Variants in UNC13B observed in about 807,000 individuals in gnomAD.
UNC13B encodes the protein unc-13 homolog B.
Under a neutral mutation model 211.0 loss-of-function variants are expected in UNC13B, and 144 were observed. The observed-to-expected ratio is 0.68, with a 90% CI of 0.60 to 0.78. The LOEUF is 0.78. UNC13B is among the 30% of genes least tolerant of loss of function. The probability of loss-of-function intolerance (pLI) is 0.00; values close to 1 mark genes in which losing one functional copy is unlikely to be tolerated. For synonymous variants in UNC13B, 709 were observed against 725.8 expected, an observed-to-expected ratio of 0.98 and a Z score of 0.37; for missense variants, 1,777 against 2,002.0, an observed-to-expected ratio of 0.89 and a Z score of 2.14.
At chr9:35,398,724 A>T in intron 32 of UNC13B, 82 bp downstream of exon 32, 1 of 1,563,384 alleles carries the variant, frequency 6.4e-7, no homozygotes, top group East Asian at 2.2e-5. Context: ...ACACCTCTCC[A>T]TATAGCTGCA....
chr9:35,238,838 G>A (rs907620702), intron 5 of UNC13B, among the ~76,000 whole-genome samples: 8 of 151,748 alleles, frequency 5.3e-5, no homozygotes, highest in Non-Finnish European at 8.8e-5. Context: ...AATTACAAGC[G>A]TGAGCCACCA....
chr9:35,206,111 G>T (rs888801959), intron 1 of UNC13B, among the ~76,000 whole-genome samples: 1 of 152,158 alleles, frequency 6.6e-6, no homozygotes, highest in African/African-American at 2.4e-5. Context: ...CTAAGCCTGG[G>T]AGGCAGAGGT....
In UNC13B at chr9:35,364,314, G is replaced by GCACA. The variant is rs1185844357; in HGVS notation, c.9415-2633_9415-2632insCACA. ...TAGATTTTGTCCCTTGATTTAGTTTGGAACATCTCCAGGGATGTTCCAAAC... is the reference window on the plus strand; with the variant it reads ...TAGATTTTGTCCCTTGATTTAGTTTGCACAGAACATCTCCAGGGATGTTCCAAAC... On this transcript the variant is annotated intron_variant, in intron 11 of 39. Transcript: ENST00000635942. Among the ~76,000 whole-genome samples the GCACA allele has an allele frequency of 3.8e-5, 5 of 130,554 alleles. 1 individual carries two copies. Among genetic ancestry groups the GCACA allele is most frequent in the African/African-American group, 2.3e-4 (5 of 21,456 alleles). The allele number at this position is 130,554 out of a possible 152,430, so 85.6% of individuals were successfully genotyped here. A position where few individuals can be genotyped will look rare whatever the true frequency, so the allele number is the denominator to read the frequency against.
chr9:35,259,145 T>C lies in UNC13B; in HGVS notation c.526+95T>C, dbSNP rs1302645468. The C allele has an allele frequency of 2.3e-6, 3 of 1,281,314 alleles. No homozygotes were observed. In the East Asian group the frequency reaches 6.9e-5, roughly 30 times the overall value. The allele number at this position is 1,281,314 out of a possible 1,614,324, so 79.4% of individuals were successfully genotyped here. A position where few individuals can be genotyped will look rare whatever the true frequency, so the allele number is the denominator to read the frequency against. ...TTCTGAGCTGGGGAGGGTGGAGATG[T>C]CATGTGTGTAAGCAGAAGATATTCC... is the stretch of plus-strand genomic sequence containing the variant. On this transcript the variant is annotated intron_variant, in intron 7 of 39. Coordinates refer to ENST00000635942, the MANE Select transcript of UNC13B (RefSeq NM_001371189.2).
At chr9:35,382,148 T>C (rs1834888737) in intron 20 of UNC13B, among the ~76,000 whole-genome samples, 1 of 152,150 alleles carries the variant, frequency 6.6e-6, no homozygotes, top group Non-Finnish European at 1.5e-5. Flanking sequence ...ACTCCTTGAA[T>C]GGGAATTCCA....
chr9:35,297,981 C>T (rs920650354), intron 8 of UNC13B, among the ~76,000 whole-genome samples: 2 of 152,214 alleles, frequency 1.3e-5, no homozygotes, highest in Admixed American at 1.3e-4. Context: ...ATACCTGAGA[C>T]TGTATCAATA....
chr9:35,186,169 A>G (rs953185361), intron 1 of UNC13B, among the ~76,000 whole-genome samples: 1 of 151,980 alleles, frequency 6.6e-6, no homozygotes, highest in South Asian at 2.1e-4. Context: ...TCTTCATAGC[A>G]CCCTACTAGG....
intron 37 of UNC13B, among the ~76,000 whole-genome samples, chr9:35,402,668 T>A (rs943330038): frequency 6.6e-6 from 1 of 151,928 alleles, no homozygotes; most frequent in Admixed American, 6.6e-5. Flanking sequence ...GGGAGTTCAT[T>A]CTATAGAGGG....
intron 1 of UNC13B, among the ~76,000 whole-genome samples, chr9:35,188,036 T>C (rs1209125235): frequency 1.3e-5 from 2 of 152,230 alleles, no homozygotes; most frequent in Admixed American, 6.5e-5. Context: ...ATAAGTTTCA[T>C]TGACTCTGAA....
intron 37 of UNC13B, among the ~76,000 whole-genome samples, chr9:35,400,798 G>A (rs540105298): frequency 6.6e-6 from 1 of 152,338 alleles, no homozygotes; most frequent in Admixed American, 6.5e-5. Flanking sequence ...AAATGTGAAG[G>A]CTCATAGTGT....
At chr9:35,318,232 A>G (rs918828191) in intron 11 of UNC13B, among the ~76,000 whole-genome samples, 1 of 152,210 alleles carries the variant, frequency 6.6e-6, no homozygotes, top group Non-Finnish European at 1.5e-5. Context: ...AATGTCCAAG[A>G]GGAGAACAAG....
At chr9:35,195,767 G>A (rs1054980106) in intron 1 of UNC13B, among the ~76,000 whole-genome samples, 1 of 152,186 alleles carries the variant, frequency 6.6e-6, no homozygotes, top group African/African-American at 2.4e-5. Flanking sequence ...AGATCTGTCT[G>A]CACAGACAGA....
intron 3 of UNC13B, among the ~76,000 whole-genome samples, chr9:35,234,142 G>A (rs1930360): frequency 0.14 from 22,026 of 152,122 alleles, 1,862 homozygotes; most frequent in Admixed American, 0.25. Context: ...GTGGGACAGG[G>A]TCTCACTCTG....
intron 18 of UNC13B, 119 bp from the exon 19 acceptor site, chr9:35,380,981 G>C: frequency 1.1e-6 from 1 of 920,780 alleles, no homozygotes; most frequent in Non-Finnish European, 1.6e-6. Context: ...GTGAGTCCTT[G>C]GGTTGGCCCC....
intron 1 of UNC13B, among the ~76,000 whole-genome samples, chr9:35,186,806 ATC>A (rs1822385638): frequency 6.6e-6 from 1 of 152,094 alleles, no homozygotes; most frequent in African/African-American, 2.4e-5. Context: ...GTCTGGTGCC[ATC>A]TTGTCTGCTC....
In UNC13B at chr9:35,162,061, C is replaced by T. The variant is rs1273612299; in HGVS notation, c.-223C>T. 1.7e-5 allele frequency: 10 copies of T among 605,246 alleles called. No individual in the cohort carries two copies. The Admixed American group carries it at 2.7e-4, about 16-fold the overall frequency. 37.5% of individuals were successfully genotyped at this position (605,246 alleles called of 1,614,324 possible). A position where few individuals can be genotyped will look rare whatever the true frequency, so the allele number is the denominator to read the frequency against. ...ATGGCGTCGCTGTGCCGCGCCCAGT[C>T]CCCAGCCTGCCGGCCGGTACTCACC... On this transcript the variant is annotated 5_prime_UTR_variant, in exon 1 of 40. Coordinates refer to ENST00000635942, the MANE Select transcript of UNC13B (RefSeq NM_001371189.2).
chr9:35,245,173 G>A (rs772261049), intron 6 of UNC13B, among the ~76,000 whole-genome samples: 3 of 151,964 alleles, frequency 2.0e-5, no homozygotes, highest in Non-Finnish European at 4.4e-5. Flanking sequence ...TGTACTTTTC[G>A]TTTTATAGGC....
At chr9:35,368,263 T>C (rs1409237421) in intron 12 of UNC13B, among the ~76,000 whole-genome samples, 1 of 152,202 alleles carries the variant, frequency 6.6e-6, no homozygotes, top group African/African-American at 2.4e-5. Flanking sequence ...TTTGTGTCCA[T>C]GTGTTCTCAT....
chr9:35,355,995 G>A (rs1832998140), intron 11 of UNC13B, among the ~76,000 whole-genome samples: 1 of 152,182 alleles, frequency 6.6e-6, no homozygotes, highest in Non-Finnish European at 1.5e-5. Context: ...GAAACTTGTG[G>A]TGCCATGGTA....
Sources: allele counts gnomAD v4.1 joint callset (sites outside exome capture counted in the v4.1 genomes callset), GRCh38; gene constraint gnomAD v4.1.1; transcripts MANE v1.5; gene names NCBI Gene and HGNC (gene_info 2026-07-23, HGNC 2026-07-21).